Variants in ADGRV1 observed in about 807,000 individuals in gnomAD.
ADGRV1 encodes the protein G-protein coupled receptor 98.
ADGRV1 carries 359 observed loss-of-function variants against 596.2 expected under a neutral mutation model. The ratio of observed to expected loss-of-function variants is 0.60; its 90% confidence interval spans 0.55 to 0.66. The LOEUF (loss-of-function observed/expected upper bound fraction) is 0.66, where lower values mean the gene tolerates loss of function less well. Ranked by LOEUF, ADGRV1 falls within the 30% of genes least tolerant of loss-of-function variation. The pLI, the probability that ADGRV1 is intolerant of heterozygous loss-of-function variation, is 0.00. For missense variants in ADGRV1, 7,274 were observed against 7,575.6 expected (o/e 0.96, Z 1.48); for synonymous variants, 2,681 against 2,679.2 (o/e 1.00, Z -0.02).
At chr5:91,053,553 G>T (rs1295958719) in intron 85 of ADGRV1, among the ~76,000 whole-genome samples, 2 of 152,080 alleles carry the variant, frequency 1.3e-5, no homozygotes, top group East Asian at 2.0e-4. Context: ...AGAAATTTTT[G>T]AGCGTTTCTT....
chr5:90,986,080 ATATGCATAATATATATATATATATAT>A (rs1167660288), intron 85 of ADGRV1, among the ~76,000 whole-genome samples: 3 of 95,514 alleles, frequency 3.1e-5, no homozygotes, highest in South Asian at 6.6e-4. Context: ...ATGCACATAT[ATATGCATAATATATATATATATATAT>A]TATGCATATA....
At position 90,838,074 on chromosome 5, in the gene ADGRV1, T is replaced by C. The variant is rs903178160; in HGVS notation, c.16612-2504T>C. 6.6e-5 allele frequency among the ~76,000 whole-genome samples: 10 copies of C among 152,228 alleles called. 1 individual carries two copies. The highest frequency in any genetic ancestry group is 6.5e-4 in the Admixed American group (10 of 15,278). ...TTTGTTCAATCATATGTCTGTGAAC[T>C]ATCCATGCTGATGTGTGTACTTGAA... On this transcript the variant is annotated intron_variant, in intron 77 of 89. Transcript: ENST00000405460.
chr5:90,810,187 T>C, intron 73 of ADGRV1, 46 bp from the exon 74 acceptor site: 1 of 1,440,942 alleles, frequency 6.9e-7, no homozygotes, highest in Non-Finnish European at 9.3e-7. Flanking sequence ...GTCATATTCC[T>C]ATTTTTTAAA....
At chr5:90,957,762 A>G (rs930119825) in intron 83 of ADGRV1, among the ~76,000 whole-genome samples, 1 of 151,314 alleles carries the variant, frequency 6.6e-6, no homozygotes, top group Non-Finnish European at 1.5e-5. Flanking sequence ...GGTTTGCAAC[A>G]TATATAAAAG....
At chr5:90,599,614 CT>C (rs199952991) in intron 1 of ADGRV1, among the ~76,000 whole-genome samples, 17 of 151,420 alleles carry the variant, frequency 1.1e-4, no homozygotes, top group Non-Finnish European at 1.6e-4. Flanking sequence ...GCTTTATCAT[CT>C]TTTTTTTTAT....
chr5:91,087,266 A>G (rs1789958443), intron 86 of ADGRV1, among the ~76,000 whole-genome samples: 1 of 152,168 alleles, frequency 6.6e-6, no homozygotes, highest in South Asian at 2.1e-4. Flanking sequence ...TATATGTAAT[A>G]TGCACAACTA....
At chr5:90,992,371 A>T (rs1437542578) in intron 85 of ADGRV1, among the ~76,000 whole-genome samples, 1 of 152,184 alleles carries the variant, frequency 6.6e-6, no homozygotes, top group African/African-American at 2.4e-5. Context: ...TCCAAACCAC[A>T]ACCTTAGCTT....
chr5:90,685,618 A>ATAAG (rs2149592735), intron 28 of ADGRV1, among the ~76,000 whole-genome samples, 162 bp from the exon 29 acceptor site: 1 of 148,528 alleles, frequency 6.7e-6, no homozygotes, highest in Admixed American at 6.7e-5. Context: ...AAATAAATAA[A>ATAAG]TAAATAAATA....
chr5:90,663,541 A>C (rs2149498397), intron 21 of ADGRV1, among the ~76,000 whole-genome samples: 1 of 151,878 alleles, frequency 6.6e-6, no homozygotes, highest in East Asian at 1.9e-4. Context: ...GGTTGCGAAA[A>C]TTGTCTCCCA....
At position 90,985,513 on chromosome 5, in the gene ADGRV1, A is replaced by T; in HGVS notation, c.18143A>T (p.His6048Leu). The change falls in exon 85 of 90, where the codon CAT becomes CTT. Residue 6048 changes from histidine (H) to leucine (L), a missense_variant. Physicochemically the swap from His to Leu is moderately conservative, Grantham distance 99. Coordinates refer to ENST00000405460, the MANE Select transcript of ADGRV1 (RefSeq NM_032119.4). ...ATGTCACAGATCTATGGACTCATTC[A>T]TGGTGACCTGTAAGTACACCCAGGC... ...QSMSQIYGLI[H>L]GDLCFIPNVY... is the part of the protein sequence containing the mutation. The T allele has an allele frequency of 6.2e-7, 1 of 1,613,504 alleles. No homozygotes were observed. The highest frequency in any genetic ancestry group is 1.7e-5 in the Admixed American group (1 of 60,026).
rs901394043 is a variant in ADGRV1 at position 90,994,338 on chromosome 5, C to T, written c.18152+8816C>T. On this transcript the variant is annotated intron_variant, in intron 85 of 89. Transcript: ENST00000405460. ...TCTGCCTCCCAAAGTGCTGGGATTA[C>T]AGGCATGAGCTGCCATGCCCGGCCT... Among the ~76,000 whole-genome samples the T allele has an allele frequency of 1.8e-4, 27 of 152,186 alleles. 1 individual carries two copies. Among genetic ancestry groups the T allele is most frequent in the Admixed American group, 1.6e-3 (24 of 15,286 alleles).
At chr5:91,057,469 A>G (rs1786992593) in intron 85 of ADGRV1, among the ~76,000 whole-genome samples, 1 of 152,238 alleles carries the variant, frequency 6.6e-6, no homozygotes, top group African/African-American at 2.4e-5. Context: ...TAGAAAGTGC[A>G]TAAGGAGACA....
intron 78 of ADGRV1, among the ~76,000 whole-genome samples, chr5:90,844,827 A>T (rs1052622631): frequency 8.6e-5 from 13 of 152,038 alleles, no homozygotes; most frequent in African/African-American, 3.1e-4. Context: ...TCCATGGTTG[A>T]TTCAGGTCTT....
chr5:91,149,981 G>A (rs1272630605), intron 87 of ADGRV1, 49 bp from the exon 88 acceptor site: 7 of 1,446,970 alleles, frequency 4.8e-6, no homozygotes, highest in Non-Finnish European at 5.5e-6. Flanking sequence ...TTGACATGCT[G>A]ATGTTCTTTT....
At chr5:90,920,344 G>A (rs940466450) in intron 83 of ADGRV1, among the ~76,000 whole-genome samples, 13 of 152,152 alleles carry the variant, frequency 8.5e-5, no homozygotes, top group African/African-American at 1.4e-4. Flanking sequence ...TAATGCCATC[G>A]CCTTACGGGT....
intron 83 of ADGRV1, among the ~76,000 whole-genome samples, chr5:90,943,073 G>C (rs1776291517): frequency 6.6e-6 from 1 of 151,984 alleles, no homozygotes; most frequent in Non-Finnish European, 1.5e-5. Flanking sequence ...TGTTCTTTAG[G>C]GTGCTTTGGC....
intron 1 of ADGRV1, among the ~76,000 whole-genome samples, chr5:90,570,261 C>G (rs1756347314): frequency 6.6e-6 from 1 of 152,140 alleles, no homozygotes; most frequent in African/African-American, 2.4e-5. Flanking sequence ...TACATCACTG[C>G]CTTCTAGCCT....
chr5:90,909,881 A>C (rs1230782082), intron 83 of ADGRV1, among the ~76,000 whole-genome samples: 1 of 152,232 alleles, frequency 6.6e-6, no homozygotes, highest in Admixed American at 6.5e-5. Flanking sequence ...GAAACAAAAA[A>C]ACCAAACATT....
intron 83 of ADGRV1, among the ~76,000 whole-genome samples, chr5:90,963,946 G>A (rs1007525929): frequency 1.3e-5 from 2 of 151,352 alleles, no homozygotes; most frequent in Non-Finnish European, 2.9e-5. Flanking sequence ...TTTTAAATTA[G>A]CATGTTGGGT....
Sources: gnomAD v4.1 joint callset for allele counts (sites outside exome capture counted in the v4.1 genomes callset) on GRCh38, gnomAD v4.1.1 for gene constraint, MANE v1.5 for transcripts, NCBI Gene and HGNC (gene_info 2026-07-23, HGNC 2026-07-21) for gene names.